The following ZNF717 variants were observed in gnomAD, a reference collection of about 807,000 sequenced individuals.
ZNF717 encodes the protein zinc finger protein 717, also known as krueppel-like factor X17.
In ZNF717, 9 loss-of-function variants were observed where a neutral mutation model predicts 13.8. The observed-to-expected ratio is 0.65, with a 90% CI of 0.39 to 1.14. ZNF717 has a LOEUF of 1.14. Ranked by LOEUF, ZNF717 falls within the 50% of genes most tolerant of loss-of-function variation. The pLI, the probability that ZNF717 is intolerant of heterozygous loss-of-function variation, is 0.01. For missense variants in ZNF717, 1,040 were observed against 1,080.7 expected, an observed-to-expected ratio of 0.96 and a Z score of 0.53; for synonymous variants, 327 against 364.1, an observed-to-expected ratio of 0.90 and a Z score of 1.16.
downstream of ZNF717, among the ~76,000 whole-genome samples, chr3:75,727,079 A>G (rs1229232127): frequency 2.6e-5 from 4 of 152,400 alleles, no homozygotes; most frequent in African/African-American, 7.2e-5. Flanking sequence ...TGAAGATTTC[A>G]TGGACATTTA....
At chr3:75,720,940 T>G (rs1200881648) in intron 4 of ZNF717, among the ~76,000 whole-genome samples, 1 of 152,326 alleles carries the variant, frequency 6.6e-6, no homozygotes, top group African/African-American at 2.4e-5. Context: ...TTATCAATAT[T>G]TATTAAGATT....
chr3:75,710,780 A>G (rs1230781443), exon 6 of ZNF717: 2 of 152,154 alleles, frequency 1.3e-5, no homozygotes, highest in Non-Finnish European at 1.5e-5. Flanking sequence ...TAGGAGAAAT[A>G]CATTAGGAAA....
intron 6 of ZNF717, among the ~76,000 whole-genome samples, chr3:75,695,985 A>C (rs1325815043): frequency 1.7e-3 from 262 of 152,372 alleles, no homozygotes; most frequent in African/African-American, 6.0e-3. Flanking sequence ...GAAGTAAATA[A>C]AGTTAAAATG....
In ZNF717 at chr3:75,737,556, G is replaced by A. The variant is rs1258276472; in HGVS notation, c.2067C>T (p.Thr689=). The A allele has an allele frequency of 9.0e-6, 14 of 1,551,346 alleles. No individual in the cohort carries two copies. In the African/African-American group the frequency reaches 1.4e-4, roughly 15 times the overall value. The part of the protein sequence containing the change: ...NVEKLFVRNH[T]LLYIRELTPG... ...GTGTGAGTTCTCTGATGTATAATAA[G>A]GTATGATTTCTGACAAAAAGTTTTT... The change falls in exon 5 of 5, where the codon ACC becomes ACT. Residue 689 remains threonine, a synonymous_variant. Coordinates refer to ENST00000652011, the MANE Select transcript of ZNF717 (RefSeq NM_001290208.3).
intron 2 of ZNF717, among the ~76,000 whole-genome samples, chr3:75,765,721 T>G (rs1943412313): frequency 6.6e-6 from 1 of 151,934 alleles, no homozygotes; most frequent in African/African-American, 2.4e-5. Flanking sequence ...CTATAAAAAA[T>G]TATTTGAAAA....
At chr3:75,782,791 T>G (rs753468837) in intron 2 of ZNF717, among the ~76,000 whole-genome samples, 1 of 151,814 alleles carries the variant, frequency 6.6e-6, no homozygotes, top group Admixed American at 6.6e-5. Context: ...CAACACACCG[T>G]GCTTTAGCGG....
chr3:75,749,022 C>T (rs1357304125), intron 2 of ZNF717, among the ~76,000 whole-genome samples: 1 of 151,944 alleles, frequency 6.6e-6, no homozygotes, highest in Non-Finnish European at 1.5e-5. Flanking sequence ...GCTTGTCCCT[C>T]ACATAGGATT....
At chr3:75,704,089 T>A (rs77592608) in intron 6 of ZNF717, among the ~76,000 whole-genome samples, 1 of 113,202 alleles carries the variant, frequency 8.8e-6, no homozygotes, top group Non-Finnish European at 1.9e-5. Context: ...GCCTTGACTT[T>A]AGTGAGTACA....
chr3:75,716,311 T>C (rs1938051405), intron 5 of ZNF717: 1 of 152,034 alleles, frequency 6.6e-6, no homozygotes, highest in Non-Finnish European at 1.5e-5. Flanking sequence ...TGCAGACCAA[T>C]TTGAAAGTAA....
At chr3:75,740,966 A>AT (rs60783114) in intron 4 of ZNF717, among the ~76,000 whole-genome samples, 5 of 152,034 alleles carry the variant, frequency 3.3e-5, no homozygotes, top group Admixed American at 1.3e-4. Context: ...GTCTAAAAAA[A>AT]TTTTTAAGAT....
Position 75,741,310 on chromosome 3 carries a change from C to T in ZNF717, c.243G>A (p.Trp81Ter), listed in dbSNP as rs1261299555. 8 of 1,549,260 alleles carry T rather than the reference C, an allele frequency of 5.2e-6. No individual in the cohort carries two copies. In the East Asian group the frequency reaches 2.0e-4, roughly 38 times the overall value. Reference protein sequence around the residue: ...IFKLEQGAEPWIVEETPNLRL... With the variant: ...IFKLEQGAEP The stretch of plus-strand genomic sequence containing the variant: ...TCAGGTTTGGGGTTTCTTCTACTAT[C>T]CATGGCTCTGCTCCTTGCTCTAGCT... Residue 81 changes from tryptophan (W) to a stop codon, truncating the protein, a stop_gained, in exon 4 of 5, where the codon TGG (tryptophan) becomes TGA (stop). Transcript: ENST00000652011. LOFTEE classifies it low-confidence loss of function (END_TRUNC).
Position 75,738,520 on chromosome 3 carries a change from T to C in ZNF717, c.1103A>G (p.Lys368Arg). The C allele has an allele frequency of 6.5e-7, 1 of 1,541,570 alleles. No individual in the cohort carries two copies. Among genetic ancestry groups the C allele is most frequent in the Non-Finnish European group, 8.8e-7 (1 of 1,139,686 alleles). The change falls in exon 5 of 5, where the codon AAA becomes AGA. Residue 368 changes from lysine to arginine, a missense_variant. Physicochemically the swap from Lys to Arg is conservative, Grantham distance 26 (BLOSUM62 2). This residue lies in a region of ZNF717 where 873 missense variants were observed against 832.8 expected (regional missense o/e 1.05). Transcript: ENST00000652011. ...ERTHTGDKPY[K>R]CIECGKTFHC... Reference sequence around the variant, plus strand: ...AAAAGTTTTTCCACATTCAATACATTTGTAGGGTTTATCCCCTGTGTGAGT... The same window carrying C: ...AAAAGTTTTTCCACATTCAATACATCTGTAGGGTTTATCCCCTGTGTGAGT...
chr3:75,745,071 A>G (rs1940994844), intron 2 of ZNF717, among the ~76,000 whole-genome samples: 1 of 151,798 alleles, frequency 6.6e-6, no homozygotes, highest in African/African-American at 2.4e-5. Flanking sequence ...TGAGGTCTGA[A>G]TGTTTCTCCC....
chr3:75,760,073 G>T (rs1942850403), intron 2 of ZNF717, among the ~76,000 whole-genome samples: 1 of 152,108 alleles, frequency 6.6e-6, no homozygotes, highest in Non-Finnish European at 1.5e-5. Context: ...CTGTCACCCA[G>T]GCTGGAGTGC....
Position 75,737,063 on chromosome 3 carries a change from T to A in ZNF717, c.2560A>T (p.Lys854Ter). ...CNECRKTFSQ[K>*]SGLSIHQRTH... Reference sequence around the variant, plus strand: ...CTCTGATGTATACTGAGGCCTGACTTCTGGGAGAAAGTTTTCCTACATTCA... The same window carrying A: ...CTCTGATGTATACTGAGGCCTGACTACTGGGAGAAAGTTTTCCTACATTCA... Residue 854 changes from lysine to a stop codon, truncating the protein, a stop_gained, in exon 5 of 5, where the codon AAG becomes TAG. Coordinates refer to ENST00000652011, the MANE Select transcript of ZNF717 (RefSeq NM_001290208.3). LOFTEE classifies it low-confidence loss of function (END_TRUNC). 6.2e-7 allele frequency: 1 copy of A among 1,601,148 alleles called. No homozygotes were observed. The highest frequency in any genetic ancestry group is 8.5e-7 in the Non-Finnish European group (1 of 1,173,686).
intron 2 of ZNF717, among the ~76,000 whole-genome samples, chr3:75,754,863 A>C (rs368697853): frequency 2.2e-3 from 270 of 125,308 alleles, no homozygotes; most frequent in Middle Eastern, 9.5e-3. Context: ...AGGCAGGATA[A>C]ATGCCAACAA....
In ZNF717 at chr3:75,753,870, G is replaced by C. The variant is rs369401492; in HGVS notation, c.58-12134C>G. Among the ~76,000 whole-genome samples the C allele has an allele frequency of 6.1e-5, 9 of 148,266 alleles. No homozygotes were observed. The South Asian group carries it at 1.3e-3, about 22-fold the overall frequency. ...ATAGGATTCCAGAACACTGCTACAA[G>C]GGTCTGAATGTTTGTCCCTCACATA... On this transcript the variant is annotated intron_variant, in intron 2 of 4. Transcript: ENST00000652011.
At position 75,739,156 on chromosome 3, in the gene ZNF717, G is replaced by C. The variant is rs1363722893; in HGVS notation, c.467C>G (p.Pro156Arg). The C allele has an allele frequency of 6.4e-7, 1 of 1,550,952 alleles. No homozygotes were observed. Among genetic ancestry groups the C allele is most frequent in the Admixed American group, 2.0e-5 (1 of 50,900 alleles). Residue 156 changes from proline to arginine, a missense_variant, in exon 5 of 5, where the codon CCT becomes CGT. Physicochemically the swap from Pro to Arg is moderately radical, Grantham distance 103 (BLOSUM62 -2). This residue lies in a region of ZNF717 where 123 missense variants were observed against 177.8 expected (regional missense o/e 0.69). Transcript: ENST00000652011. Reference sequence around the variant, plus strand: ...GTTCTGGCAATCATTAAACTGCCCAGGCTTCATTCCTGAACTGTTTCCATT... The same window carrying C: ...GTTCTGGCAATCATTAAACTGCCCACGCTTCATTCCTGAACTGTTTCCATT... ...INNGNSSGMK[P>R]GQFNDCQNML... is the part of the protein sequence containing the mutation.
intron 2 of ZNF717, among the ~76,000 whole-genome samples, chr3:75,742,975 G>A (rs1940669196): frequency 6.6e-6 from 1 of 152,212 alleles, no homozygotes; most frequent in South Asian, 2.1e-4. Flanking sequence ...ATAAGATGAT[G>A]ATGAAACATA....
Sources: allele counts gnomAD v4.1 joint callset (sites outside exome capture counted in the v4.1 genomes callset), GRCh38; gene constraint gnomAD v4.1.1; regional missense constraint gnomAD v4.1.1; transcripts MANE v1.5; gene names NCBI Gene and HGNC (gene_info 2026-07-23, HGNC 2026-07-21).